The following RBAK variants were observed in gnomAD, a reference collection of about 807,000 sequenced individuals.
RBAK encodes RB associated KRAB zinc finger.
Under a neutral mutation model 65.8 loss-of-function variants are expected in RBAK, and 39 were observed. The ratio of observed to expected loss-of-function variants is 0.59; its 90% confidence interval spans 0.46 to 0.77. The LOEUF (loss-of-function observed/expected upper bound fraction) is 0.77, where lower values mean the gene tolerates loss of function less well. Ranked by LOEUF, RBAK falls within the 30% of genes least tolerant of loss-of-function variation. RBAK has a pLI of 0.00. For missense variants in RBAK, 884 were observed against 855.1 expected, an observed-to-expected ratio of 1.03 and a Z score of -0.42; for synonymous variants, 343 against 289.7, an observed-to-expected ratio of 1.18 and a Z score of -1.87.
At chr7:5,063,587 G>T in intron 4 of RBAK, 108 bp from the exon 5 acceptor site, 2 of 778,754 alleles carry the variant, frequency 2.6e-6, no homozygotes, top group Non-Finnish European at 1.9e-6. Context: ...ATGGAGATTG[G>T]CTCTAAAGCC....
chr7:5,053,741 T>A (rs1245727864), intron 2 of RBAK, among the ~76,000 whole-genome samples: 1 of 152,256 alleles, frequency 6.6e-6, no homozygotes, highest in Non-Finnish European at 1.5e-5. Flanking sequence ...CTGTTAATCT[T>A]GTCCAGTATA....
Position 5,066,556 on chromosome 7 carries a change from T to C in RBAK, c.*955T>C, listed in dbSNP as rs1779223121. ...GAGTGTGCCTAGTGCCAATATTTTG[T>C]AATTTAGAAATTTTATTCACAAACT... On this transcript the variant is annotated 3_prime_UTR_variant, in exon 5 of 5. Coordinates refer to ENST00000396912, the MANE Select transcript of RBAK (RefSeq NM_021163.4). The C allele has an allele frequency of 6.6e-6, 1 of 152,224 alleles. No homozygotes were observed. The highest frequency in any genetic ancestry group is 2.1e-4 in the South Asian group (1 of 4,834). The allele number at this position is 152,224 out of a possible 1,614,324, so 9.4% of individuals were successfully genotyped here. A position where few individuals can be genotyped will look rare whatever the true frequency, so the allele number is the denominator to read the frequency against.
chr7:5,048,318 G>A lies in RBAK; in HGVS notation c.15+227G>A, dbSNP rs199724369. Reference sequence around the variant, plus strand: ...CTCCCGAGTAGCTGGGATTACAGGCGTGCGCCACCATGCCCAACTAATTTT... The same window carrying A: ...CTCCCGAGTAGCTGGGATTACAGGCATGCGCCACCATGCCCAACTAATTTT... On this transcript the variant is annotated intron_variant, in intron 2 of 4. Coordinates refer to ENST00000396912, the MANE Select transcript of RBAK (RefSeq NM_021163.4). This position sits in a 1 kb window ranked among gnomAD's most constrained non-coding sequence, Gnocchi z 4.4. Among the ~76,000 whole-genome samples the A allele has an allele frequency of 4.1e-4, 62 of 151,952 alleles. No individual in the cohort carries two copies. In the East Asian group the frequency reaches 0.011, roughly 28 times the overall value.
chr7:5,058,189 C>G (rs1229139571), intron 4 of RBAK, among the ~76,000 whole-genome samples: 1 of 152,180 alleles, frequency 6.6e-6, no homozygotes, highest in Admixed American at 6.6e-5. Context: ...ATTCTCCTTC[C>G]TCAGCCTCCC....
At position 5,046,467 on chromosome 7, in the gene RBAK, A is replaced by G. The variant is rs184673708; in HGVS notation, c.-45+71A>G. The G allele has an allele frequency of 6.6e-4, 299 of 452,112 alleles. 2 individuals carry two copies. Among genetic ancestry groups the G allele is most frequent in the African/African-American group, 5.7e-3 (281 of 49,418 alleles). 28.0% of individuals were successfully genotyped at this position (452,112 alleles called of 1,614,324 possible). On this transcript the variant is annotated intron_variant, in intron 1 of 4. Transcript: ENST00000396912. ...AGTCACCGTGTGTTGGGGACCTTAG[A>G]GTGTGGGGCAGGGGGAGGGTCTCGA...
Position 5,067,147 on chromosome 7 carries a change from T to C in RBAK, c.*1546T>C, listed in dbSNP as rs190162823. On this transcript the variant is annotated 3_prime_UTR_variant, in exon 5 of 5. Transcript: ENST00000396912. The stretch of plus-strand genomic sequence containing the variant: ...AGATTATAAAAATAAGACAAGGATA[T>C]CTGCTGTCAATGATTTTATTCGGCA... 8 of 152,288 alleles carry C rather than the reference T, an allele frequency of 5.3e-5. No individual in the cohort carries two copies. The East Asian group carries it at 1.3e-3, about 26-fold the overall frequency. 9.4% of individuals were successfully genotyped at this position (152,288 alleles called of 1,614,324 possible).
Position 5,063,904 on chromosome 7 carries a change from T to C in RBAK, c.448T>C (p.Leu150=), listed in dbSNP as rs1357383254. ...AAAGAATTTAGAATCTATTTCGCAATTAATTAGTAGTGATGGAAGCTATGC... is the reference window on the plus strand; with the variant it reads ...AAAGAATTTAGAATCTATTTCGCAACTAATTAGTAGTGATGGAAGCTATGC... ...CGKNLESISQ[L]ISSDGSYART... is the part of the protein sequence containing the mutation. The change falls in exon 5 of 5, where the codon TTA becomes CTA. Residue 150 remains leucine (L), a synonymous_variant. Coordinates refer to ENST00000396912, the MANE Select transcript of RBAK (RefSeq NM_021163.4). 20 of 1,613,842 alleles carry C rather than the reference T, an allele frequency of 1.2e-5. No individual in the cohort carries two copies. Among genetic ancestry groups the C allele is most frequent in the Non-Finnish European group, 1.7e-5 (20 of 1,179,932 alleles).
chr7:5,051,606 T>A (rs923119121), intron 2 of RBAK, among the ~76,000 whole-genome samples: 4 of 152,246 alleles, frequency 2.6e-5, no homozygotes, highest in Non-Finnish European at 4.4e-5. Context: ...TCTAGGACTG[T>A]CAATTGCCTT....
Position 5,046,353 on chromosome 7 carries a change from G to T in RBAK, c.-88G>T, listed in dbSNP as rs1358223927. The T allele has an allele frequency of 1.9e-6, 1 of 515,770 alleles. No individual in the cohort carries two copies. The highest frequency in any genetic ancestry group is 1.9e-5 in the African/African-American group (1 of 51,886). 31.9% of individuals were successfully genotyped at this position (515,770 alleles called of 1,614,324 possible). A position where few individuals can be genotyped will look rare whatever the true frequency, so the allele number is the denominator to read the frequency against. On this transcript the variant is annotated 5_prime_UTR_variant, in exon 1 of 5. Transcript: ENST00000396912. ...CGCCAGCGACAGCAGCCCCGCCCCG[G>T]CCTCTCGGGAGCCGTGGGGCAGAGG...
intron 1 of RBAK, among the ~76,000 whole-genome samples, chr7:5,047,287 T>C (rs1788009815): frequency 6.6e-6 from 1 of 152,086 alleles, no homozygotes; most frequent in African/African-American, 2.4e-5. Flanking sequence ...TGGTCCCAGC[T>C]ACTCAGGAGG....
At position 5,065,625 on chromosome 7, in the gene RBAK, ACT is replaced by A. The variant is rs1213172562; in HGVS notation, c.*29_*30del. ...GAAGTCAGATCTCAATTTTTAGAAAACTCTCTGAATATAATGAATATGGGGAA... is the reference window on the plus strand; with the variant it reads ...GAAGTCAGATCTCAATTTTTAGAAAACTCTGAATATAATGAATATGGGGAA... On this transcript the variant is annotated 3_prime_UTR_variant, in exon 5 of 5. Coordinates refer to ENST00000396912, the MANE Select transcript of RBAK (RefSeq NM_021163.4). The surrounding 1 kb of genome is among the most constrained non-coding windows in gnomAD (Gnocchi z 5.3). 1.2e-5 allele frequency: 17 copies of A among 1,451,214 alleles called. No individual in the cohort carries two copies. Among genetic ancestry groups the A allele is most frequent in the Non-Finnish European group, 1.4e-5 (15 of 1,085,012 alleles). The allele number at this position is 1,451,214 out of a possible 1,614,324, so 89.9% of individuals were successfully genotyped here. A position where few individuals can be genotyped will look rare whatever the true frequency, so the allele number is the denominator to read the frequency against.
intron 3 of RBAK, 67 bp from the exon 4 acceptor site, chr7:5,057,617 A>T (rs762915297): frequency 2.4e-4 from 383 of 1,607,252 alleles, no homozygotes; most frequent in Non-Finnish European, 3.1e-4. Context: ...AGGTGGCAAC[A>T]TCTTGTACTT....
intron 2 of RBAK, among the ~76,000 whole-genome samples, chr7:5,056,275 T>A (rs1468137698): frequency 6.2e-5 from 9 of 145,884 alleles, no homozygotes; most frequent in Non-Finnish European, 1.4e-4. Context: ...GCCCAGCCAA[T>A]TTTTTTTTTT....
At position 5,065,372 on chromosome 7, in the gene RBAK, C is replaced by T; in HGVS notation, c.1916C>T (p.Thr639Ile). The T allele has an allele frequency of 2.5e-6, 4 of 1,613,436 alleles. No homozygotes were observed. Among genetic ancestry groups the T allele is most frequent in the Non-Finnish European group, 3.4e-6 (4 of 1,179,700 alleles). Residue 639 changes from threonine (T) to isoleucine (I), a missense_variant, in exon 5 of 5, where the codon ACT becomes ATT. Transcript: ENST00000396912. The surrounding 1 kb of genome is among the most constrained non-coding windows in gnomAD (Gnocchi z 5.3). ...GTCTTCTCTCGGATGTCAAACCTCACTGTCCACTACAGAAGCCATTCAGGA... is the reference window on the plus strand; with the variant it reads ...GTCTTCTCTCGGATGTCAAACCTCATTGTCCACTACAGAAGCCATTCAGGA... ...GKVFSRMSNL[T>I]VHYRSHSGEK...
In RBAK at chr7:5,048,289, C is replaced by T. The variant is rs1382235528; in HGVS notation, c.15+198C>T. 1.3e-5 allele frequency among the ~76,000 whole-genome samples: 2 copies of T among 152,108 alleles called. No individual in the cohort carries two copies. Among genetic ancestry groups the T allele is most frequent in the Non-Finnish European group, 2.9e-5 (2 of 68,032 alleles). The stretch of plus-strand genomic sequence containing the variant: ...CTGGGTTCAAGCGATTCTCCTGCCT[C>T]AGCCTCCCGAGTAGCTGGGATTACA... On this transcript the variant is annotated intron_variant, in intron 2 of 4. Transcript: ENST00000396912. This position sits in a 1 kb window ranked among gnomAD's most constrained non-coding sequence, Gnocchi z 4.4.
At position 5,065,609 on chromosome 7, in the gene RBAK, T is replaced by C. The variant is rs1016150958; in HGVS notation, c.*8T>C. On this transcript the variant is annotated 3_prime_UTR_variant, in exon 5 of 5. Transcript: ENST00000396912. The surrounding 1 kb of genome is among the most constrained non-coding windows in gnomAD (Gnocchi z 5.3). ...GATGTGGAAAATCTCTGAAGTCAGA[T>C]CTCAATTTTTAGAAAACTCTCTGAA... 3 of 1,488,130 alleles carry C rather than the reference T, an allele frequency of 2.0e-6. No individual in the cohort carries two copies. The highest frequency in any genetic ancestry group is 1.8e-6 in the Non-Finnish European group (2 of 1,116,112). 92.2% of individuals were successfully genotyped at this position (1,488,130 alleles called of 1,614,324 possible). A position where few individuals can be genotyped will look rare whatever the true frequency, so the allele number is the denominator to read the frequency against.
At position 5,057,738 on chromosome 7, in the gene RBAK, C is replaced by T. The variant is rs150821585; in HGVS notation, c.197C>T (p.Pro66Leu). ...ATTAAGTTGGAGCAGGGAGAGGAGC[C>T]GTGGATAATGGGAGGTGAATTTCCA... The part of the protein sequence containing the change: ...VIIKLEQGEE[P>L]WIMGGEFPCQ... Residue 66 changes from proline to leucine, a missense_variant, in exon 4 of 5, where the codon CCG (proline) becomes CTG (leucine). Transcript: ENST00000396912. The T allele has an allele frequency of 8.7e-6, 14 of 1,613,656 alleles. No homozygotes were observed. The highest frequency in any genetic ancestry group is 2.2e-5 in the South Asian group (2 of 91,070).
chr7:5,058,403 G>C (rs746391748), intron 4 of RBAK, among the ~76,000 whole-genome samples: 1 of 152,160 alleles, frequency 6.6e-6, no homozygotes, highest in Non-Finnish European at 1.5e-5. Flanking sequence ...GCATTCAGAA[G>C]TCTGACATAA....
chr7:5,059,515 C>T (rs555412775), intron 4 of RBAK, among the ~76,000 whole-genome samples: 1 of 151,822 alleles, frequency 6.6e-6, no homozygotes, highest in African/African-American at 2.4e-5. Context: ...AAAAAAAAAA[C>T]CACACATAAC....
Sources: allele counts gnomAD v4.1 joint callset (sites outside exome capture counted in the v4.1 genomes callset), GRCh38; gene constraint gnomAD v4.1.1; non-coding constraint Gnocchi (gnomAD v3.1); transcripts MANE v1.5; gene names NCBI Gene and HGNC (gene_info 2026-07-23, HGNC 2026-07-21).